Variants in ANAPC1 observed in about 807,000 individuals in gnomAD.
ANAPC1 encodes the protein anaphase-promoting complex subunit 1.
Under a neutral mutation model 208.0 loss-of-function variants are expected in ANAPC1, and 36 were observed. The ratio of observed to expected loss-of-function variants is 0.17; its 90% confidence interval spans 0.13 to 0.23. The LOEUF (loss-of-function observed/expected upper bound fraction) is 0.23, where lower values mean the gene tolerates loss of function less well. ANAPC1 is among the 10% of genes least tolerant of loss of function. ANAPC1 has a pLI of 1.00. For synonymous variants in ANAPC1, 378 were observed against 695.2 expected (o/e 0.54, Z 7.18); for missense variants, 942 against 2,011.6 (o/e 0.47, Z 10.17).
Position 111,834,821 on chromosome 2 carries a change from G to T in ANAPC1, c.2167C>A (p.Leu723Ile), listed in dbSNP as rs1252948049. The T allele has an allele frequency of 6.2e-7, 1 of 1,609,230 alleles. No homozygotes were observed. Among genetic ancestry groups the T allele is most frequent in the Non-Finnish European group, 8.5e-7 (1 of 1,178,468 alleles). ...CTCAGACATAAAGATCTGTTCAAAA[G>T]ATGAGACTCAACATTCTGGTGGTAG... The part of the protein sequence containing the change: ...SDYHQNVESH[L>I]LNRSLCLSPS... The change falls in exon 19 of 48, where the codon CTT becomes ATT. Residue 723 changes from leucine (L) to isoleucine (I), a missense_variant. Physicochemically the swap from Leu to Ile is conservative, Grantham distance 5. Coordinates refer to ENST00000341068, the MANE Select transcript of ANAPC1 (RefSeq NM_022662.4).
intron 1 of ANAPC1, among the ~76,000 whole-genome samples, chr2:111,882,823 A>G (rs981559200): frequency 6.6e-6 from 1 of 152,082 alleles, no homozygotes. Context: ...GCTAGAAATA[A>G]ATGAGTACTG....
intron 13 of ANAPC1, among the ~76,000 whole-genome samples, chr2:111,852,969 C>G (rs1681489041): frequency 6.6e-6 from 1 of 150,656 alleles, no homozygotes; most frequent in African/African-American, 2.4e-5. Context: ...GCCTGAGTAA[C>G]AGAGAGAGAT....
intron 29 of ANAPC1, among the ~76,000 whole-genome samples, chr2:111,807,672 A>G (rs570888612): frequency 3.8e-4 from 57 of 151,598 alleles, no homozygotes; most frequent in African/African-American, 1.2e-3. Flanking sequence ...AGGCTGGGCA[A>G]CAGAGCAAGA....
intron 37 of ANAPC1, among the ~76,000 whole-genome samples, chr2:111,792,816 G>A (rs1295582444): frequency 6.6e-6 from 1 of 152,072 alleles, no homozygotes; most frequent in Non-Finnish European, 1.5e-5. Context: ...AGCCGGGCGT[G>A]GTGGCGGGCG....
chr2:111,843,661 A>C (rs1680890827), intron 16 of ANAPC1, 62 bp from the exon 17 acceptor site: 2 of 1,436,376 alleles, frequency 1.4e-6, no homozygotes, highest in Non-Finnish European at 9.4e-7. Flanking sequence ...TTCCCCTTTC[A>C]ATCACCAAGT....
chr2:111,863,289 A>G (rs148531570), intron 9 of ANAPC1, among the ~76,000 whole-genome samples: 2,579 of 151,934 alleles, frequency 0.017, 62 homozygotes, highest in African/African-American at 0.059. Context: ...CAGGCAGATC[A>G]CAAGGTCAGG....
At chr2:111,877,301 C>T (rs1020822138) in intron 3 of ANAPC1, among the ~76,000 whole-genome samples, 1 of 151,682 alleles carries the variant, frequency 6.6e-6, no homozygotes, top group African/African-American at 2.4e-5. Context: ...TCAAAAAATA[C>T]TGCATTTGGT....
intron 16 of ANAPC1, among the ~76,000 whole-genome samples, chr2:111,844,008 G>A (rs1680915592): frequency 6.6e-6 from 1 of 151,696 alleles, no homozygotes; most frequent in Non-Finnish European, 1.5e-5. Context: ...ATTTTTAGTA[G>A]AGACCATGTT....
intron 10 of ANAPC1, among the ~76,000 whole-genome samples, chr2:111,858,762 A>AAAAAG (rs1181301381): frequency 1.3e-4 from 12 of 90,080 alleles, no homozygotes; most frequent in African/African-American, 4.9e-4. Flanking sequence ...ACTCCGTCTC[A>AAAAAG]AAAAGAAAAA....
intron 45 of ANAPC1, among the ~76,000 whole-genome samples, chr2:111,777,443 C>T (rs1677052349): frequency 2.0e-5 from 3 of 151,494 alleles, no homozygotes; most frequent in South Asian, 2.1e-4. Flanking sequence ...AATAATACTG[C>T]CCTTGAGATC....
intron 46 of ANAPC1, among the ~76,000 whole-genome samples, chr2:111,772,735 T>C (rs559407540): frequency 1.3e-5 from 2 of 152,156 alleles, no homozygotes; most frequent in Non-Finnish European, 2.9e-5. Context: ...AGGAGTGCTA[T>C]AAAGGTGCAG....
chr2:111,831,914 T>C (rs1035338901), intron 20 of ANAPC1, among the ~76,000 whole-genome samples: 3 of 148,938 alleles, frequency 2.0e-5, no homozygotes, highest in African/African-American at 7.4e-5. Flanking sequence ...GGAACTATGT[T>C]ATTAAATGTA....
chr2:111,882,146 T>C (rs1173423254), intron 1 of ANAPC1, among the ~76,000 whole-genome samples: 1 of 151,252 alleles, frequency 6.6e-6, no homozygotes, highest in African/African-American at 2.4e-5. Flanking sequence ...ATCATGCCAT[T>C]GTACTCCAGC....
chr2:111,835,609 C>T (rs1463937423), intron 18 of ANAPC1, among the ~76,000 whole-genome samples: 4 of 152,064 alleles, frequency 2.6e-5, no homozygotes, highest in East Asian at 3.9e-4. Context: ...GAGGCCGAGG[C>T]GGGTGGATCA....
intron 24 of ANAPC1, among the ~76,000 whole-genome samples, chr2:111,824,348 T>A (rs909438785): frequency 3.3e-5 from 5 of 151,772 alleles, no homozygotes; most frequent in Admixed American, 1.3e-4. Context: ...TTAACATACA[T>A]CCCATATAAC....
chr2:111,873,795 T>C (rs927596221), intron 3 of ANAPC1, 131 bp from the exon 4 acceptor site: 5 of 807,354 alleles, frequency 6.2e-6, no homozygotes, highest in South Asian at 6.0e-5. Flanking sequence ...TGTACAATCA[T>C]GGGAACAAAA....
chr2:111,880,997 G>A (rs1301968681), intron 1 of ANAPC1, 148 bp from the exon 2 acceptor site: 1 of 671,702 alleles, frequency 1.5e-6, no homozygotes, highest in African/African-American at 1.9e-5. Context: ...ACATAAAAGG[G>A]CATTCTAGAT....
At chr2:111,820,811 A>C (rs1354480769) in intron 26 of ANAPC1, among the ~76,000 whole-genome samples, 3 of 147,744 alleles carry the variant, frequency 2.0e-5, no homozygotes, top group African/African-American at 7.5e-5. Context: ...ATCATATCCA[A>C]AAAAAAAAAA....
At chr2:111,810,882 C>CAAAAAAAA (rs1162540899) in intron 28 of ANAPC1, among the ~76,000 whole-genome samples, 5 of 71,788 alleles carry the variant, frequency 7.0e-5, no homozygotes, top group Admixed American at 3.2e-4. Flanking sequence ...GACTCCACAT[C>CAAAAAAAA]AAAAAAAAAA....
Sources: gnomAD v4.1 joint callset for allele counts (sites outside exome capture counted in the v4.1 genomes callset) on GRCh38, gnomAD v4.1.1 for gene constraint, MANE v1.5 for transcripts, NCBI Gene and HGNC (gene_info 2026-07-23, HGNC 2026-07-21) for gene names.